The following CSMD1 variants were observed in gnomAD, a reference collection of about 807,000 sequenced individuals.
CSMD1 encodes the protein CUB and Sushi multiple domains 1.
CSMD1 carries 213 observed loss-of-function variants against 417.5 expected under a neutral mutation model. The observed-to-expected ratio is 0.51, with a 90% CI of 0.46 to 0.57. The LOEUF (loss-of-function observed/expected upper bound fraction) is 0.57, where lower values mean the gene tolerates loss of function less well. CSMD1 is among the 20% of genes least tolerant of loss of function. The probability of loss-of-function intolerance (pLI) is 0.00; values close to 1 mark genes in which losing one functional copy is unlikely to be tolerated. For synonymous variants in CSMD1, 2,862 were observed against 1,736.8 expected (o/e 1.65, Z -16.11); for missense variants, 6,923 against 4,529.7 (o/e 1.53, Z -15.17).
intron 5 of CSMD1, among the ~76,000 whole-genome samples, chr8:3,918,905 A>T (rs1467740733): frequency 1.3e-5 from 2 of 150,696 alleles, no homozygotes; most frequent in Non-Finnish European, 3.0e-5. Context: ...GTGAAGGATA[A>T]AAGACTACAA....
At chr8:3,453,859 G>A (rs1020081561) in intron 12 of CSMD1, among the ~76,000 whole-genome samples, 8 of 152,238 alleles carry the variant, frequency 5.3e-5, no homozygotes, top group Middle Eastern at 3.4e-3. Context: ...TCAATTCCTG[G>A]ATATCCTTGT....
intron 23 of CSMD1, among the ~76,000 whole-genome samples, chr8:3,335,404 A>G (rs1427661487): frequency 6.6e-6 from 1 of 152,176 alleles, no homozygotes; most frequent in Non-Finnish European, 1.5e-5. Flanking sequence ...TTGGCCAGGC[A>G]TGGTGGCTCA....
chr8:3,845,980 T>C (rs1459776435), intron 5 of CSMD1, among the ~76,000 whole-genome samples: 1 of 152,012 alleles, frequency 6.6e-6, no homozygotes, highest in African/African-American at 2.4e-5. Context: ...GTAGTACCCA[T>C]GGAGCCGTCA....
At chr8:4,200,458 G>C (rs1585010526) in intron 3 of CSMD1, among the ~76,000 whole-genome samples, 3 of 152,086 alleles carry the variant, frequency 2.0e-5, no homozygotes, top group Admixed American at 6.6e-5. Context: ...CACTCTTATG[G>C]TTTAAGTGAC....
chr8:4,742,155 C>G (rs977347047), intron 1 of CSMD1, among the ~76,000 whole-genome samples: 9 of 149,804 alleles, frequency 6.0e-5, no homozygotes, highest in African/African-American at 2.0e-4. Flanking sequence ...CTCAGCCTCC[C>G]GAGTAGCTGG....
At chr8:3,392,331 C>T (rs1013881270) in intron 17 of CSMD1, among the ~76,000 whole-genome samples, 5 of 151,992 alleles carry the variant, frequency 3.3e-5, no homozygotes, top group Middle Eastern at 6.3e-3. Flanking sequence ...CACAGGCAAC[C>T]CACTTTCAAA....
intron 3 of CSMD1, among the ~76,000 whole-genome samples, chr8:4,308,121 G>A (rs1248619096): frequency 6.6e-6 from 1 of 152,184 alleles, no homozygotes; most frequent in Admixed American, 6.6e-5. Flanking sequence ...GGCAAAGCAG[G>A]AAGATGTGTT....
chr8:3,988,852 G>A (rs1018233939), intron 5 of CSMD1, among the ~76,000 whole-genome samples: 4 of 152,094 alleles, frequency 2.6e-5, no homozygotes, highest in African/African-American at 9.7e-5. Flanking sequence ...CCTTTAAAGT[G>A]ATATTATTAC....
At chr8:3,256,465 T>A (rs1800664239) in intron 26 of CSMD1, among the ~76,000 whole-genome samples, 1 of 152,220 alleles carries the variant, frequency 6.6e-6, no homozygotes, top group Admixed American at 6.5e-5. Flanking sequence ...AACTTTTTAT[T>A]GATGCTTCAG....
At chr8:4,698,505 T>G (rs985830956) in intron 1 of CSMD1, among the ~76,000 whole-genome samples, 1 of 152,110 alleles carries the variant, frequency 6.6e-6, no homozygotes, top group Non-Finnish European at 1.5e-5. Flanking sequence ...CAGGTGTGTG[T>G]TAGGCCTAAA....
intron 12 of CSMD1, among the ~76,000 whole-genome samples, chr8:3,447,088 G>A (rs573953619): frequency 6.6e-6 from 1 of 152,154 alleles, no homozygotes; most frequent in Non-Finnish European, 1.5e-5. Context: ...GTTATATTTT[G>A]AGTACCTCAT....
intron 52 of CSMD1, among the ~76,000 whole-genome samples, chr8:3,018,122 C>T (rs1330182055): frequency 1.3e-5 from 2 of 152,112 alleles, no homozygotes; most frequent in African/African-American, 4.8e-5. Flanking sequence ...ATGAATATAA[C>T]TTCAATTCAT....
chr8:4,767,753 T>C (rs917016134), intron 1 of CSMD1, among the ~76,000 whole-genome samples: 1 of 152,180 alleles, frequency 6.6e-6, no homozygotes, highest in African/African-American at 2.4e-5. Context: ...TGCATTTATT[T>C]ATCCTTTGTG....
At chr8:3,866,195 TG>T (rs1805091513) in intron 5 of CSMD1, among the ~76,000 whole-genome samples, 1 of 152,230 alleles carries the variant, frequency 6.6e-6, no homozygotes, top group Non-Finnish European at 1.5e-5. Flanking sequence ...TAAGCCTAAA[TG>T]AGTAAAGCAT....
chr8:4,429,230 G>C (rs1321464523), intron 2 of CSMD1, among the ~76,000 whole-genome samples: 2 of 151,828 alleles, frequency 1.3e-5, no homozygotes, highest in Non-Finnish European at 2.9e-5. Flanking sequence ...ATCTGGTTAT[G>C]TTTTAAAAAC....
chr8:4,770,392 T>G (rs927432408), intron 1 of CSMD1, among the ~76,000 whole-genome samples: 42 of 149,302 alleles, frequency 2.8e-4, no homozygotes, highest in African/African-American at 1.0e-3. Flanking sequence ...AATTAAGCTT[T>G]TATATATTAT....
chr8:4,059,503 A>G (rs890633919), intron 3 of CSMD1, among the ~76,000 whole-genome samples: 1 of 152,208 alleles, frequency 6.6e-6, no homozygotes, highest in Non-Finnish European at 1.5e-5. Flanking sequence ...TGAATCCAGG[A>G]GCTGGTTTTT....
intron 12 of CSMD1, among the ~76,000 whole-genome samples, chr8:3,445,651 C>A (rs1427029326): frequency 6.6e-6 from 1 of 151,944 alleles, no homozygotes; most frequent in Non-Finnish European, 1.5e-5. Context: ...GCTGTAATAA[C>A]CAAGGTAGAA....
intron 5 of CSMD1, among the ~76,000 whole-genome samples, chr8:3,946,372 C>T (rs1000843433): frequency 6.6e-6 from 1 of 152,100 alleles, no homozygotes; most frequent in Non-Finnish European, 1.5e-5. Flanking sequence ...ATGTGCTGGC[C>T]TGTCTCTGGA....
Sources: gnomAD v4.1 joint callset for allele counts (sites outside exome capture counted in the v4.1 genomes callset) on GRCh38, gnomAD v4.1.1 for gene constraint, MANE v1.5 for transcripts, NCBI Gene and HGNC (gene_info 2026-07-23, HGNC 2026-07-21) for gene names.